ACSL6: variants seen among roughly 807,000 people sequenced by gnomAD.
The protein encoded by ACSL6 is acyl-CoA synthetase long chain family member 6.
In ACSL6, 47 loss-of-function variants were observed where a neutral mutation model predicts 98.2. That is an observed-to-expected ratio of 0.48 (90% confidence interval 0.38 to 0.61). ACSL6 has a LOEUF of 0.61. ACSL6 is among the 20% of genes least tolerant of loss of function. ACSL6 has a pLI of 0.00. For synonymous variants in ACSL6, 362 were observed against 336.9 expected (o/e 1.07, Z -0.82); for missense variants, 761 against 913.4 (o/e 0.83, Z 2.15).
chr5:131,989,368 C>T lies in ACSL6; in HGVS notation c.552+39G>A, dbSNP rs776646627. The T allele has an allele frequency of 2.0e-5, 31 of 1,588,564 alleles. No homozygotes were observed. In the Admixed American group the frequency reaches 5.1e-4, roughly 26 times the overall value. On this transcript the variant is annotated intron_variant, in intron 5 of 20. Coordinates refer to ENST00000651883, the MANE Select transcript of ACSL6 (RefSeq NM_001009185.3). ...TATTCCATGGCAGCCAACCCCTACC[C>T]CACGAATCCCTCTAAAACCAGTCAA...
At chr5:132,002,328 A>G (rs1755132200) in intron 1 of ACSL6, among the ~76,000 whole-genome samples, 1 of 152,220 alleles carries the variant, frequency 6.6e-6, no homozygotes, top group Non-Finnish European at 1.5e-5. Flanking sequence ...CACTGGCTCA[A>G]ACTTAGGACA....
At chr5:131,959,502 G>T (rs755477856) in intron 20 of ACSL6, 34 bp downstream of exon 20, 4 of 1,601,810 alleles carry the variant, frequency 2.5e-6, no homozygotes, top group Non-Finnish European at 3.4e-6. Flanking sequence ...ACTGCCTGAA[G>T]GGTTGTAACG....
Position 131,990,950 on chromosome 5 carries a change from C to A in ACSL6, c.288G>T (p.Arg96=). Reference sequence around the variant, plus strand: ...GAGGGCCAGACCCAATCACAGATCGCCGTGCCCCGCCACTGTCCTACAAGC... The same window carrying A: ...GAGGGCCAGACCCAATCACAGATCGACGTGCCCCGCCACTGTCCTACAAGC... ...SEEVEDSGGA[R]RSVIGSGPQL... Residue 96 remains arginine (R), a synonymous_variant, in exon 3 of 21, where the codon CGG becomes CGT. Coordinates refer to ENST00000651883, the MANE Select transcript of ACSL6 (RefSeq NM_001009185.3). 6.2e-7 allele frequency: 1 copy of A among 1,610,230 alleles called. No individual in the cohort carries two copies. Among genetic ancestry groups the A allele is most frequent in the South Asian group, 1.1e-5 (1 of 91,020 alleles).
Position 131,954,133 on chromosome 5 carries a change from G to T in ACSL6, c.*101C>A. On this transcript the variant is annotated 3_prime_UTR_variant, in exon 21 of 21. Coordinates refer to ENST00000651883, the MANE Select transcript of ACSL6 (RefSeq NM_001009185.3). Reference sequence around the variant, plus strand: ...AAAAGGCTCAGTCATAAAATCAGATGCTTATTCATTTTCAGCTGTGTCATT... The same window carrying T: ...AAAAGGCTCAGTCATAAAATCAGATTCTTATTCATTTTCAGCTGTGTCATT... 7.9e-7 allele frequency: 1 copy of T among 1,259,308 alleles called. No individual in the cohort carries two copies. The allele number at this position is 1,259,308 out of a possible 1,614,324, so 78.0% of individuals were successfully genotyped here.
At chr5:131,967,325 C>T (rs1364264711) in intron 16 of ACSL6, among the ~76,000 whole-genome samples, 2 of 152,108 alleles carry the variant, frequency 1.3e-5, no homozygotes, top group Non-Finnish European at 2.9e-5. Context: ...CGCCACTGCA[C>T]TCCAGCCTGG....
In ACSL6 at chr5:131,953,629, CT is replaced by C. The variant is rs1332497882; in HGVS notation, c.*604del. 5.3e-6 allele frequency: 1 copy of C among 187,192 alleles called. No individual in the cohort carries two copies. Among genetic ancestry groups the C allele is most frequent in the Non-Finnish European group, 1.1e-5 (1 of 88,522 alleles). The allele number at this position is 187,192 out of a possible 1,614,324, so 11.6% of individuals were successfully genotyped here. A position where few individuals can be genotyped will look rare whatever the true frequency, so the allele number is the denominator to read the frequency against. On this transcript the variant is annotated 3_prime_UTR_variant, in exon 21 of 21. Transcript: ENST00000651883. ...AAAACAAAAAGGAAAAAAAGAATTT[CT>C]GAATTTTCATTTTTCATGAATGAAA...
chr5:131,958,412 T>C (rs1348684416), intron 20 of ACSL6, among the ~76,000 whole-genome samples: 1 of 152,240 alleles, frequency 6.6e-6, no homozygotes, highest in South Asian at 2.1e-4. Flanking sequence ...TCAGTTCATA[T>C]GCCAAAATTG....
At chr5:131,964,048 A>G (rs908020592) in intron 17 of ACSL6, among the ~76,000 whole-genome samples, 1 of 152,202 alleles carries the variant, frequency 6.6e-6, no homozygotes, top group Non-Finnish European at 1.5e-5. Context: ...TTTCAAAATA[A>G]CGTTTTTAAA....
chr5:131,970,544 G>T (rs915010575), intron 14 of ACSL6, among the ~76,000 whole-genome samples: 1 of 151,954 alleles, frequency 6.6e-6, no homozygotes, highest in Non-Finnish European at 1.5e-5. Context: ...CGAGTAGCTG[G>T]GACTACAGAC....
At chr5:131,965,079 C>A (rs1752940067) in intron 17 of ACSL6, among the ~76,000 whole-genome samples, 1 of 152,196 alleles carries the variant, frequency 6.6e-6, no homozygotes, top group Non-Finnish European at 1.5e-5. Flanking sequence ...CTGGGGCAGG[C>A]ATGAGGGTTT....
chr5:131,996,448 C>T (rs1353295939), intron 1 of ACSL6, among the ~76,000 whole-genome samples: 1 of 152,222 alleles, frequency 6.6e-6, no homozygotes, highest in East Asian at 1.9e-4. Flanking sequence ...CAGACATGCT[C>T]ACCAACTCGT....
intron 20 of ACSL6, among the ~76,000 whole-genome samples, chr5:131,959,040 A>C (rs1752565122): frequency 6.6e-6 from 1 of 152,212 alleles, no homozygotes; most frequent in South Asian, 2.1e-4. Flanking sequence ...CAGAAAAAAA[A>C]AAAAGTCTTG....
At position 131,988,141 on chromosome 5, in the gene ACSL6, G is replaced by A; in HGVS notation, c.738C>T (p.Leu246=). The change falls in exon 7 of 21, where the codon CTC becomes CTT. Residue 246 remains leucine, a synonymous_variant. Transcript: ENST00000651883. ...EHVERKETPG[L]KLIILMDPFE... The stretch of plus-strand genomic sequence containing the variant: ...ATGGGTCCATGAGGATGATCAGCTT[G>A]AGGCCTGGAGTCTCCTTCCTCTCCA... The A allele has an allele frequency of 6.2e-7, 1 of 1,614,202 alleles. No individual in the cohort carries two copies. Among genetic ancestry groups the A allele is most frequent in the Non-Finnish European group, 8.5e-7 (1 of 1,180,034 alleles).
rs893166995 is a variant in ACSL6 at position 131,953,344 on chromosome 5, T to C, written c.*890A>G. 1.1e-5 allele frequency: 2 copies of C among 183,862 alleles called. No homozygotes were observed. The highest frequency in any genetic ancestry group is 4.7e-5 in the African/African-American group (2 of 42,586). The allele number at this position is 183,862 out of a possible 1,614,324, so 11.4% of individuals were successfully genotyped here. ...AATATCTGAATTTGGCTGGGAACAA[T>C]GGCTCATGCCTGTAATCCTAGCACT... On this transcript the variant is annotated 3_prime_UTR_variant, in exon 21 of 21. Transcript: ENST00000651883.
intron 19 of ACSL6, chr5:131,959,858 A>T (rs1373394255): frequency 3.9e-6 from 2 of 514,838 alleles, no homozygotes; most frequent in African/African-American, 1.9e-5. Context: ...TTTTTAAAGC[A>T]GGCTTTTGGT....
intron 8 of ACSL6, 77 bp from the exon 9 acceptor site, chr5:131,985,535 A>T (rs1754133249): frequency 6.7e-7 from 1 of 1,494,626 alleles, no homozygotes; most frequent in African/African-American, 1.4e-5. Flanking sequence ...GGGCTCCCCA[A>T]CCAGCCAGGC....
chr5:131,974,819 G>T, intron 11 of ACSL6, 74 bp downstream of exon 11: 1 of 1,613,624 alleles, frequency 6.2e-7, no homozygotes, highest in Non-Finnish European at 8.5e-7. Context: ...ATCCGCACAA[G>T]TGGGAGCCCA....
chr5:131,967,668 T>TTAA (rs3043871), intron 16 of ACSL6, among the ~76,000 whole-genome samples: 32,113 of 143,918 alleles, frequency 0.22, 3,655 homozygotes, highest in Middle Eastern at 0.37. Flanking sequence ...CCGTCTCAAA[T>TTAA]TAATAATAAT....
intron 15 of ACSL6, among the ~76,000 whole-genome samples, chr5:131,969,260 G>A (rs1753175423): frequency 6.6e-6 from 1 of 152,198 alleles, no homozygotes; most frequent in African/African-American, 2.4e-5. Flanking sequence ...AGAGTACCTT[G>A]AGATAGTCAG....
Sources: gnomAD v4.1 joint callset for allele counts (sites outside exome capture counted in the v4.1 genomes callset) on GRCh38, gnomAD v4.1.1 for gene constraint, MANE v1.5 for transcripts, NCBI Gene and HGNC (gene_info 2026-07-23, HGNC 2026-07-21) for gene names.